The following CPPED1 variants were observed in gnomAD, a reference collection of about 807,000 sequenced individuals.
The protein encoded by CPPED1 is serine/threonine-protein phosphatase CPPED1.
A neutral mutation model predicts 28.0 loss-of-function variants in CPPED1; 28 were observed. The ratio of observed to expected loss-of-function variants is 1.00; its 90% CI spans 0.74 to 1.37. The LOEUF is 1.37. Ranked by LOEUF, CPPED1 falls within the 40% of genes most tolerant of loss-of-function variation. The pLI, the probability that CPPED1 is intolerant of heterozygous loss-of-function variation, is 0.00. For synonymous variants in CPPED1, 198 were observed against 180.2 expected (o/e 1.10, Z -0.79); for missense variants, 504 against 416.5 (o/e 1.21, Z -1.83).
chr16:12,673,712 G>A (rs865793874), intron 3 of CPPED1, among the ~76,000 whole-genome samples: 2 of 152,144 alleles, frequency 1.3e-5, no homozygotes, highest in African/African-American at 2.4e-5. Context: ...GTGACCAAAC[G>A]AGGATTCTTA....
At chr16:12,688,382 G>C (rs1215402691) in intron 3 of CPPED1, among the ~76,000 whole-genome samples, 1 of 149,188 alleles carries the variant, frequency 6.7e-6, no homozygotes, top group Non-Finnish European at 1.5e-5. Context: ...ACCCAGGCTG[G>C]AGTGCAGTGG....
chr16:12,759,159 T>C (rs1240179272), intron 2 of CPPED1: 3 of 99,420 alleles, frequency 3.0e-5, no homozygotes, highest in Non-Finnish European at 6.0e-5. Context: ...GAAGACTCTG[T>C]CTCTAAAAAA....
intron 3 of CPPED1, among the ~76,000 whole-genome samples, chr16:12,697,524 T>TA (rs1167357436): frequency 1.2e-4 from 18 of 152,242 alleles, no homozygotes; most frequent in African/African-American, 4.3e-4. Context: ...ATCCTAAACT[T>TA]AGACACATAC....
At chr16:12,785,087 A>C (rs2080554756) in intron 1 of CPPED1, among the ~76,000 whole-genome samples, 1 of 152,200 alleles carries the variant, frequency 6.6e-6, no homozygotes. Context: ...CCTGCTACAG[A>C]AGCTGGTGGT....
chr16:12,751,361 T>C (rs2080327465), intron 2 of CPPED1, among the ~76,000 whole-genome samples: 1 of 151,448 alleles, frequency 6.6e-6, no homozygotes, highest in Non-Finnish European at 1.5e-5. Flanking sequence ...GAAGAAAGTT[T>C]TAGTGATCAG....
At chr16:12,674,871 G>T (rs1387026031) in intron 3 of CPPED1, among the ~76,000 whole-genome samples, 1 of 152,154 alleles carries the variant, frequency 6.6e-6, no homozygotes, top group African/African-American at 2.4e-5. Context: ...CATATCATGG[G>T]TGGCAGAGGT....
intron 3 of CPPED1, among the ~76,000 whole-genome samples, chr16:12,692,422 T>G (rs1397002084): frequency 6.6e-6 from 1 of 152,178 alleles, no homozygotes; most frequent in African/African-American, 2.4e-5. Flanking sequence ...TTTAAAACAT[T>G]TTTCAATAAC....
At chr16:12,684,633 G>A (rs550683314) in intron 3 of CPPED1, among the ~76,000 whole-genome samples, 2 of 152,182 alleles carry the variant, frequency 1.3e-5, no homozygotes, top group African/African-American at 2.4e-5. Flanking sequence ...TGGTGAAGGT[G>A]CACAGGGCTG....
intron 2 of CPPED1, among the ~76,000 whole-genome samples, chr16:12,731,147 A>C (rs1031386230): frequency 7.6e-6 from 1 of 130,894 alleles, no homozygotes; most frequent in East Asian, 2.1e-4. Context: ...GTCTCTTCAA[A>C]AAAAAAAATT....
chr16:12,757,683 C>T (rs2080380113), intron 2 of CPPED1: 1 of 137,252 alleles, frequency 7.3e-6, no homozygotes, highest in Admixed American at 8.5e-5. Flanking sequence ...TTTGCATCCG[C>T]AACGGACTTC....
intron 3 of CPPED1, among the ~76,000 whole-genome samples, chr16:12,665,512 C>T (rs984302179): frequency 1.6e-4 from 24 of 152,118 alleles, no homozygotes; most frequent in Admixed American, 1.1e-3. Flanking sequence ...ACATTTATGG[C>T]CAGGGATGGT....
At chr16:12,779,419 C>T (rs939284268) in intron 2 of CPPED1, among the ~76,000 whole-genome samples, 2 of 151,738 alleles carry the variant, frequency 1.3e-5, no homozygotes, top group Admixed American at 6.6e-5. Context: ...CTAAGCTTCC[C>T]GCTCTATCAC....
At chr16:12,702,185 G>A (rs2080024100) in intron 3 of CPPED1, among the ~76,000 whole-genome samples, 1 of 152,062 alleles carries the variant, frequency 6.6e-6, no homozygotes, top group Non-Finnish European at 1.5e-5. Context: ...TGGGCAGGGG[G>A]CTGGGGCATC....
At chr16:12,780,198 G>C (rs1264741628) in intron 2 of CPPED1, among the ~76,000 whole-genome samples, 1 of 151,902 alleles carries the variant, frequency 6.6e-6, no homozygotes, top group Non-Finnish European at 1.5e-5. Flanking sequence ...TTGTTTTTTT[G>C]AGATGGAGTC....
chr16:12,684,643 GCTT>G (rs1211704802), intron 3 of CPPED1, among the ~76,000 whole-genome samples: 2 of 152,182 alleles, frequency 1.3e-5, no homozygotes, highest in Non-Finnish European at 2.9e-5. Flanking sequence ...GCACAGGGCT[GCTT>G]CTTCTTCATC....
chr16:12,732,667 G>T (rs1283934957), intron 2 of CPPED1, among the ~76,000 whole-genome samples: 1 of 152,048 alleles, frequency 6.6e-6, no homozygotes, highest in Admixed American at 6.6e-5. Context: ...TCATATAAAA[G>T]ATCAACAATC....
At chr16:12,743,308 G>A (rs889835617) in intron 2 of CPPED1, among the ~76,000 whole-genome samples, 6 of 152,250 alleles carry the variant, frequency 3.9e-5, no homozygotes, top group Non-Finnish European at 7.4e-5. Context: ...AAATAAAATT[G>A]TGATCCTTAT....
chr16:12,801,918 TGAG>T (rs560334020), intron 1 of CPPED1, among the ~76,000 whole-genome samples: 188 of 152,174 alleles, frequency 1.2e-3, no homozygotes, highest in African/African-American at 4.1e-3. Context: ...CTAGAGAGAA[TGAG>T]GAGAAAAGCT....
chr16:12,675,577 A>C (rs950410609), intron 3 of CPPED1, among the ~76,000 whole-genome samples: 13 of 152,260 alleles, frequency 8.5e-5, no homozygotes, highest in African/African-American at 2.9e-4. Context: ...TCAATCAGGA[A>C]ATTGAGATGC....
Sources: gnomAD v4.1 joint callset for allele counts (sites outside exome capture counted in the v4.1 genomes callset) on GRCh38, gnomAD v4.1.1 for gene constraint, MANE v1.5 for transcripts, NCBI Gene and HGNC (gene_info 2026-07-23, HGNC 2026-07-21) for gene names.